Variants in EYS observed in about 807,000 individuals in gnomAD.
EYS encodes the protein EGF-like photoreceptor maintenance factor.
EYS carries 250 observed loss-of-function variants against 282.1 expected under a neutral mutation model. That is an observed-to-expected ratio of 0.89 (90% CI 0.80 to 0.98). EYS has a LOEUF of 0.98. Among genes scored for constraint, EYS ranks in the 50% least tolerant of loss-of-function variants. The probability of loss-of-function intolerance (pLI) is 0.00; values close to 1 mark genes in which losing one functional copy is unlikely to be tolerated. For missense variants in EYS, 4,016 were observed against 3,709.0 expected (o/e 1.08, Z -2.15); for synonymous variants, 1,355 against 1,282.9 (o/e 1.06, Z -1.20).
chr6:65,064,167 T>C (rs927865301), intron 12 of EYS, among the ~76,000 whole-genome samples: 1 of 143,776 alleles, frequency 7.0e-6, no homozygotes, highest in African/African-American at 2.5e-5. Context: ...ACATATATAA[T>C]ATATATAATA....
chr6:64,591,467 T>C lies in EYS; in HGVS notation c.4400A>G (p.Glu1467Gly), dbSNP rs953336109. The C allele has an allele frequency of 2.6e-5, 40 of 1,551,242 alleles. No individual in the cohort carries two copies. The highest frequency in any genetic ancestry group is 3.1e-5 in the Non-Finnish European group (36 of 1,146,792). Residue 1467 changes from glutamate (E) to glycine (G), a missense_variant, in exon 26 of 43, where the codon GAG (glutamate) becomes GGG (glycine). By Grantham distance (98) the Glu-to-Gly change is moderately conservative (BLOSUM62 -2). Coordinates refer to ENST00000503581, the MANE Select transcript of EYS (RefSeq NM_001142800.2). ...ATCAGCTGAATATTCTTCAATATCC[T>C]CTTGAGCCCCCCTAGAGACAACTGG... ...ATPVVSRGAQ[E>G]DIEEYSADSL...
intron 12 of EYS, among the ~76,000 whole-genome samples, chr6:65,283,801 T>C (rs1303838583): frequency 6.6e-6 from 1 of 152,070 alleles, no homozygotes; most frequent in African/African-American, 2.4e-5. Context: ...TCAGTGTCAA[T>C]ATTAGTTTCT....
chr6:64,042,245 T>A (rs1464229766), intron 33 of EYS, among the ~76,000 whole-genome samples: 3 of 152,240 alleles, frequency 2.0e-5, no homozygotes, highest in Non-Finnish European at 4.4e-5. Flanking sequence ...AAATAATAAT[T>A]AATTCCATGA....
At chr6:65,532,671 G>C (rs763425987) in intron 2 of EYS, among the ~76,000 whole-genome samples, 3 of 152,100 alleles carry the variant, frequency 2.0e-5, no homozygotes, top group Non-Finnish European at 4.4e-5. Context: ...CACTTTTGCT[G>C]TCCTGGAGCA....
chr6:64,858,346 G>C (rs1248796014), intron 19 of EYS, among the ~76,000 whole-genome samples: 1 of 152,006 alleles, frequency 6.6e-6, no homozygotes, highest in Non-Finnish European at 1.5e-5. Flanking sequence ...CACTGATTGG[G>C]GAGACTATCC....
At chr6:65,239,547 A>AT (rs944473451) in intron 12 of EYS, among the ~76,000 whole-genome samples, 1 of 151,990 alleles carries the variant, frequency 6.6e-6, no homozygotes, top group African/African-American at 2.4e-5. Flanking sequence ...TGCCTTTAAT[A>AT]TTTTTTTCAC....
intron 26 of EYS, among the ~76,000 whole-genome samples, chr6:64,519,281 T>C (rs540558516): frequency 3.5e-4 from 53 of 151,792 alleles, no homozygotes; most frequent in Middle Eastern, 6.8e-3. Flanking sequence ...ATCAATAAAA[T>C]GCTTTGACAT....
chr6:64,606,134 AT>A (rs1451737484), intron 24 of EYS, among the ~76,000 whole-genome samples: 1 of 151,998 alleles, frequency 6.6e-6, no homozygotes, highest in Non-Finnish European at 1.5e-5. Flanking sequence ...GATAAAAAAA[AT>A]CTTAAATAGT....
At chr6:65,372,339 T>C (rs1765190734) in intron 8 of EYS, among the ~76,000 whole-genome samples, 1 of 152,068 alleles carries the variant, frequency 6.6e-6, no homozygotes, top group South Asian at 2.1e-4. Flanking sequence ...CATTTCTAAC[T>C]ATATGTATTA....
intron 26 of EYS, among the ~76,000 whole-genome samples, chr6:64,493,015 T>C (rs1199106172): frequency 1.3e-5 from 2 of 151,404 alleles, no homozygotes; most frequent in Non-Finnish European, 1.5e-5. Context: ...TAAACTAGAA[T>C]AGAACACCTG....
intron 31 of EYS, among the ~76,000 whole-genome samples, chr6:64,160,038 A>C (rs1775056660): frequency 6.6e-6 from 1 of 152,210 alleles, no homozygotes; most frequent in South Asian, 2.1e-4. Flanking sequence ...TAAAGGCCCC[A>C]GAGTTGTGAA....
Position 65,312,657 on chromosome 6 carries a change from A to G in EYS, c.1767-16538T>C, listed in dbSNP as rs568500194. 4.3e-3 allele frequency among the ~76,000 whole-genome samples: 653 copies of G among 152,292 alleles called. 3 individuals are homozygous for G. Among genetic ancestry groups the G allele is most frequent in the Non-Finnish European group, 6.9e-3 (468 of 68,016 alleles). ...GACAAGACAAATGTTTTACATGTAA[A>G]CAAGTTGCACTTACTTATCTCAGGC... On this transcript the variant is annotated intron_variant, in intron 11 of 42. Transcript: ENST00000503581.
chr6:63,951,220 C>T (rs556067031), intron 35 of EYS, among the ~76,000 whole-genome samples: 1 of 152,284 alleles, frequency 6.6e-6, no homozygotes, highest in Admixed American at 6.5e-5. Context: ...TCACACCTGA[C>T]CTAAAACCTA....
At chr6:64,390,475 G>C (rs6454822) in intron 28 of EYS, among the ~76,000 whole-genome samples, 114,203 of 150,720 alleles carry the variant, frequency 0.76, 43,832 homozygotes, top group African/African-American at 0.89. Flanking sequence ...CCCTGACCCC[G>C]GAGCAGCCTA....
intron 26 of EYS, among the ~76,000 whole-genome samples, chr6:64,531,675 C>T (rs1764345479): frequency 4.0e-5 from 6 of 151,834 alleles, no homozygotes; most frequent in Admixed American, 1.3e-4. Context: ...TCGTGATCCA[C>T]CCGCCTCAGC....
intron 5 of EYS, among the ~76,000 whole-genome samples, chr6:65,424,529 T>C (rs1416948903): frequency 2.6e-5 from 4 of 152,024 alleles, no homozygotes; most frequent in African/African-American, 9.7e-5. Context: ...CTTGAAAATA[T>C]ATTACAGATT....
intron 12 of EYS, among the ~76,000 whole-genome samples, chr6:65,211,731 G>C (rs1051487248): frequency 1.3e-5 from 2 of 151,814 alleles, no homozygotes; most frequent in Non-Finnish European, 2.9e-5. Context: ...AATATCTGTA[G>C]GAGGGGCAGA....
intron 12 of EYS, among the ~76,000 whole-genome samples, chr6:65,148,025 G>A (rs1273852972): frequency 1.3e-5 from 2 of 152,040 alleles, no homozygotes; most frequent in Non-Finnish European, 2.9e-5. Flanking sequence ...CATGACACAT[G>A]GGGATTACGG....
chr6:64,241,782 T>A (rs1766841848), intron 30 of EYS, among the ~76,000 whole-genome samples: 1 of 151,908 alleles, frequency 6.6e-6, no homozygotes, highest in Non-Finnish European at 1.5e-5. Context: ...TTAATTGTGA[T>A]ATTAGGGTGT....
Sources: gnomAD v4.1 joint callset for allele counts (sites outside exome capture counted in the v4.1 genomes callset) on GRCh38, gnomAD v4.1.1 for gene constraint, MANE v1.5 for transcripts, NCBI Gene and HGNC (gene_info 2026-07-23, HGNC 2026-07-21) for gene names.